The following RASGRP1 variants were observed in gnomAD, a reference collection of about 807,000 sequenced individuals.
The protein encoded by RASGRP1 is RAS guanyl releasing protein 1.
RASGRP1 carries 37 observed loss-of-function variants against 95.1 expected under a neutral mutation model. That is an observed-to-expected ratio of 0.39 (90% CI 0.30 to 0.51). The LOEUF is 0.51. Among genes scored for constraint, RASGRP1 ranks in the 20% least tolerant of loss-of-function variants. The probability of loss-of-function intolerance (pLI) is 0.80; values close to 1 mark genes in which losing one functional copy is unlikely to be tolerated. For missense variants in RASGRP1, 711 were observed against 965.4 expected (o/e 0.74, Z 3.49); for synonymous variants, 325 against 353.4 (o/e 0.92, Z 0.90).
chr15:38,564,642 G>C lies in RASGRP1; in HGVS notation c.-14C>G, dbSNP rs1247111941. 1.5e-6 allele frequency: 2 copies of C among 1,325,590 alleles called. No individual in the cohort carries two copies. The highest frequency in any genetic ancestry group is 1.9e-6 in the Non-Finnish European group (2 of 1,030,732). The allele number at this position is 1,325,590 out of a possible 1,614,324, so 82.1% of individuals were successfully genotyped here. A position where few individuals can be genotyped will look rare whatever the true frequency, so the allele number is the denominator to read the frequency against. ...CAGGGTGCCCATGGCCGCGGCCCGC[G>C]CTCCCGGTGCCGGCTCACCTAGCGC... On this transcript the variant is annotated 5_prime_UTR_variant, in exon 1 of 17. Transcript: ENST00000310803.
At chr15:38,493,228 A>G (rs1483767208) in intron 16 of RASGRP1, among the ~76,000 whole-genome samples, 3 of 132,166 alleles carry the variant, frequency 2.3e-5, no homozygotes, top group African/African-American at 8.8e-5. Flanking sequence ...CCTAGGCTAG[A>G]GTGCCGTGGC....
At chr15:38,508,088 C>G in intron 8 of RASGRP1, 87 bp from the exon 9 acceptor site, 1 of 1,424,564 alleles carries the variant, frequency 7.0e-7, no homozygotes. Flanking sequence ...GCATCCTGTG[C>G]CATGATCTCA....
chr15:38,541,975 G>C (rs1263454367), intron 2 of RASGRP1, among the ~76,000 whole-genome samples: 1 of 152,178 alleles, frequency 6.6e-6, no homozygotes, highest in Non-Finnish European at 1.5e-5. Context: ...GATTCTGATA[G>C]ACTAAGAGGC....
intron 2 of RASGRP1, among the ~76,000 whole-genome samples, chr15:38,553,204 G>A (rs1424847659): frequency 1.3e-5 from 2 of 152,158 alleles, no homozygotes; most frequent in African/African-American, 4.8e-5. Context: ...AAAGCTCACT[G>A]TAACTCCAGA....
At chr15:38,557,117 C>A (rs1321257404) in intron 2 of RASGRP1, among the ~76,000 whole-genome samples, 1 of 152,164 alleles carries the variant, frequency 6.6e-6, no homozygotes, top group African/African-American at 2.4e-5. Context: ...GAAGCATTAG[C>A]CTCACTCTGT....
chr15:38,560,207 G>T, intron 1 of RASGRP1: 2 of 593,184 alleles, frequency 3.4e-6, no homozygotes, highest in Non-Finnish European at 6.0e-6. Flanking sequence ...GAGATTTCAG[G>T]GTTGCAACTA....
At chr15:38,534,656 T>G (rs1892570877) in intron 2 of RASGRP1, 1 of 152,180 alleles carries the variant, frequency 6.6e-6, no homozygotes, top group Non-Finnish European at 1.5e-5. Flanking sequence ...ACCCAACTGC[T>G]GGGGCAGTGA....
intron 2 of RASGRP1, among the ~76,000 whole-genome samples, chr15:38,543,349 A>G (rs1595874628): frequency 1.3e-5 from 2 of 152,100 alleles, no homozygotes; most frequent in South Asian, 4.1e-4. Context: ...CTGACCGTAT[A>G]TGTAGATTTC....
intron 2 of RASGRP1, among the ~76,000 whole-genome samples, chr15:38,538,655 G>C (rs1024674139): frequency 6.6e-6 from 1 of 152,200 alleles, no homozygotes; most frequent in African/African-American, 2.4e-5. Flanking sequence ...CTAGTAAGTA[G>C]TAGACCTGAG....
chr15:38,504,448 T>A (rs911522995), intron 10 of RASGRP1: 3 of 152,218 alleles, frequency 2.0e-5, no homozygotes, highest in Non-Finnish European at 4.4e-5. Context: ...TTTAATTTTT[T>A]AAATCTTTGT....
intron 2 of RASGRP1, among the ~76,000 whole-genome samples, chr15:38,531,001 T>A (rs866089185): frequency 1.3e-5 from 2 of 152,174 alleles, no homozygotes; most frequent in Admixed American, 6.5e-5. Context: ...CACTGTCTAA[T>A]GATGGAAGCA....
At chr15:38,498,701 TCAAA>T (rs1566909534) in intron 15 of RASGRP1, 89 bp downstream of exon 15, 1 of 1,479,978 alleles carries the variant, frequency 6.8e-7, no homozygotes, top group Non-Finnish European at 9.1e-7. Context: ...ACATTTAAAC[TCAAA>T]CACAGAGTCA....
At chr15:38,519,401 C>A (rs748604211) in intron 3 of RASGRP1, 30 bp from the exon 4 acceptor site, 3 of 1,471,792 alleles carry the variant, frequency 2.0e-6, no homozygotes, top group East Asian at 4.5e-5. Flanking sequence ...AAATGGAGAC[C>A]TCTGTTACAG....
chr15:38,537,143 C>T (rs1382192520), intron 2 of RASGRP1, among the ~76,000 whole-genome samples: 2 of 152,026 alleles, frequency 1.3e-5, no homozygotes, highest in Non-Finnish European at 2.9e-5. Context: ...AGTGGCTGTC[C>T]ACTGTAGTTC....
intron 13 of RASGRP1, among the ~76,000 whole-genome samples, chr15:38,500,534 C>T (rs1039390153): frequency 2.1e-4 from 32 of 151,978 alleles, no homozygotes; most frequent in Middle Eastern, 3.4e-3. Context: ...TTAGTAGAGA[C>T]GGGTTTTCAC....
At chr15:38,532,770 T>C (rs558680425) in intron 2 of RASGRP1, among the ~76,000 whole-genome samples, 32 of 152,292 alleles carry the variant, frequency 2.1e-4, no homozygotes, top group South Asian at 2.1e-4. Flanking sequence ...ATCTACCCTA[T>C]GGAAAGCACT....
chr15:38,496,679 T>A (rs1410340865), intron 15 of RASGRP1, among the ~76,000 whole-genome samples: 1 of 152,230 alleles, frequency 6.6e-6, no homozygotes, highest in African/African-American at 2.4e-5. Context: ...AGAGGATTTT[T>A]TCCCCCTAAG....
At position 38,564,678 on chromosome 15, in the gene RASGRP1, G is replaced by T. The variant is rs1380846547; in HGVS notation, c.-50C>A. ...CGGCTCACCTAGCGCGGCCGGGCGC[G>T]GCGCATCGCCCCCGCCACCACCGCC... is the stretch of plus-strand genomic sequence containing the variant. On this transcript the variant is annotated 5_prime_UTR_variant, in exon 1 of 17. Transcript: ENST00000310803. 1 of 1,223,124 alleles carries T rather than the reference G, an allele frequency of 8.2e-7. No homozygotes were observed. Among genetic ancestry groups the T allele is most frequent in the East Asian group, 3.4e-5 (1 of 29,622 alleles). 75.8% of individuals were successfully genotyped at this position (1,223,124 alleles called of 1,614,324 possible).
At chr15:38,503,474 C>G (rs778774815) in intron 10 of RASGRP1, 98 bp from the exon 11 acceptor site, 6 of 922,820 alleles carry the variant, frequency 6.5e-6, no homozygotes, top group Non-Finnish European at 1.0e-5. Context: ...CATTTATGGA[C>G]AATCTTCAAT....
Sources: gnomAD v4.1 joint callset for allele counts (sites outside exome capture counted in the v4.1 genomes callset) on GRCh38, gnomAD v4.1.1 for gene constraint, MANE v1.5 for transcripts, NCBI Gene and HGNC (gene_info 2026-07-23, HGNC 2026-07-21) for gene names.